ANLN: variants seen among roughly 807,000 people sequenced by gnomAD.
The protein encoded by ANLN is anillin, actin binding protein.
ANLN carries 59 observed loss-of-function variants against 135.1 expected under a neutral mutation model. The ratio of observed to expected loss-of-function variants is 0.44; its 90% CI spans 0.35 to 0.54. ANLN has a LOEUF of 0.54. Ranked by LOEUF, ANLN falls within the 20% of genes least tolerant of loss-of-function variation. The probability of loss-of-function intolerance (pLI) is 0.00; values close to 1 mark genes in which losing one functional copy is unlikely to be tolerated. For missense variants in ANLN, 1,182 were observed against 1,340.0 expected, an observed-to-expected ratio of 0.88 and a Z score of 1.84; for synonymous variants, 406 against 456.4, an observed-to-expected ratio of 0.89 and a Z score of 1.41.
At chr7:36,393,426 G>C (rs1317346570) in intron 1 of ANLN, among the ~76,000 whole-genome samples, 1 of 152,194 alleles carries the variant, frequency 6.6e-6, no homozygotes, top group Non-Finnish European at 1.5e-5. Context: ...GGCACTTCAA[G>C]AGAGGAGAAG....
chr7:36,396,730 C>T (rs1187243611), intron 2 of ANLN, among the ~76,000 whole-genome samples: 1 of 152,200 alleles, frequency 6.6e-6, no homozygotes, highest in Non-Finnish European at 1.5e-5. Context: ...TTTATACTTA[C>T]AGTAGTGTGT....
chr7:36,407,039 T>A (rs1424527217), intron 4 of ANLN, among the ~76,000 whole-genome samples: 1 of 152,234 alleles, frequency 6.6e-6, no homozygotes, highest in African/African-American at 2.4e-5. Flanking sequence ...TTGAAACTTT[T>A]ACTTTGTGCA....
At chr7:36,430,309 G>C (rs1341673127) in intron 20 of ANLN, among the ~76,000 whole-genome samples, 1 of 152,170 alleles carries the variant, frequency 6.6e-6, no homozygotes, top group Non-Finnish European at 1.5e-5. Context: ...TTCCAGAGTG[G>C]AATTTCTGTT....
rs545205950 is a variant in ANLN, at chr7:36,452,391, A to C, written c.3252-86A>C. 7 of 1,542,596 alleles carry C rather than the reference A, an allele frequency of 4.5e-6. No homozygotes were observed. The African/African-American group carries it at 8.2e-5, about 18-fold the overall frequency. ...AGGTAATTCATTTACTGGTTTATTT[A>C]GTCATTTTTTTCCCTAGCAAGAGTA... is the stretch of plus-strand genomic sequence containing the variant. On this transcript the variant is annotated intron_variant, in intron 23 of 23. Transcript: ENST00000265748.
chr7:36,416,589 T>G (rs962850964), intron 8 of ANLN, among the ~76,000 whole-genome samples: 8 of 152,182 alleles, frequency 5.3e-5, no homozygotes, highest in African/African-American at 1.9e-4. Flanking sequence ...ATTCCTAGTT[T>G]TTGAGTAATT....
intron 3 of ANLN, among the ~76,000 whole-genome samples, chr7:36,401,403 A>G (rs1464202045): frequency 1.3e-5 from 2 of 152,138 alleles, no homozygotes; most frequent in African/African-American, 2.4e-5. Flanking sequence ...CAGTGGCGCA[A>G]TCTCGGCTCA....
At chr7:36,406,748 C>A (rs986461713) in intron 4 of ANLN, among the ~76,000 whole-genome samples, 182 bp downstream of exon 4, 2 of 152,034 alleles carry the variant, frequency 1.3e-5, no homozygotes, top group African/African-American at 4.8e-5. Context: ...AAGTTGGGTA[C>A]CCATCCCAAG....
chr7:36,447,124 A>C (rs1458490455), intron 22 of ANLN, among the ~76,000 whole-genome samples: 3 of 152,252 alleles, frequency 2.0e-5, no homozygotes, highest in Non-Finnish European at 4.4e-5. Flanking sequence ...TTAAGCACTT[A>C]CCATTTACTG....
At chr7:36,392,050 C>G (rs957140078) in intron 1 of ANLN, among the ~76,000 whole-genome samples, 1 of 152,048 alleles carries the variant, frequency 6.6e-6, no homozygotes, top group African/African-American at 2.4e-5. Context: ...AGGTGATAGT[C>G]ATCCCAGTAC....
At chr7:36,410,175 T>C (rs912845892) in intron 5 of ANLN, among the ~76,000 whole-genome samples, 2 of 152,212 alleles carry the variant, frequency 1.3e-5, no homozygotes, top group African/African-American at 2.4e-5. Context: ...TGAAGGTAGA[T>C]TTATTAATAT....
Position 36,422,718 on chromosome 7 carries a change from T to A in ANLN, c.2385T>A (p.Ser795Arg), listed in dbSNP as rs148319769. 306 of 1,613,166 alleles carry A rather than the reference T, an allele frequency of 1.9e-4. No individual in the cohort carries two copies. The highest frequency in any genetic ancestry group is 2.5e-4 in the Non-Finnish European group (290 of 1,179,748). The change falls in exon 14 of 24, where the codon AGT (serine) becomes AGA (arginine). Residue 795 changes from serine (S) to arginine (R), a missense_variant. Transcript: ENST00000265748. ...GGAAGAATAAGGCTAGTCCCCAAAG[T>A]GAATTTATGCCATCCAAAGGATCAG... is the stretch of plus-strand genomic sequence containing the variant. ...PQRKNKASPQSEFMPSKGSVT... is the reference protein window; with the variant it reads ...PQRKNKASPQREFMPSKGSVT...
rs533413145 is a variant in ANLN, at chr7:36,399,066, G to A, written c.173-13G>A. Reference sequence around the variant, plus strand: ...ACAAATTTGAATGTCTTTTTTCATCGTTTTTAATGTAGAGAAATCTTGTAC... The same window carrying A: ...ACAAATTTGAATGTCTTTTTTCATCATTTTTAATGTAGAGAAATCTTGTAC... On this transcript the variant is annotated splice_polypyrimidine_tract_variant and intron_variant, in intron 2 of 23. Transcript: ENST00000265748. 8.3e-5 allele frequency: 131 copies of A among 1,571,304 alleles called. 1 individual carries two copies. In the South Asian group the frequency reaches 1.3e-3, roughly 15 times the overall value.
At chr7:36,407,137 G>A (rs1008498428) in intron 4 of ANLN, among the ~76,000 whole-genome samples, 1 of 145,280 alleles carries the variant, frequency 6.9e-6, no homozygotes, top group Non-Finnish European at 1.5e-5. Context: ...TTAGTGTAGA[G>A]CTAGGCTTTA....
At position 36,423,016 on chromosome 7, in the gene ANLN, A is replaced by G. The variant is rs112218475; in HGVS notation, c.2476+207A>G. Reference sequence around the variant, plus strand: ...CTACACAATAATGGACATTGCTCTTACTGAAAGTTTGAATATAAAGTTTTA... The same window carrying G: ...CTACACAATAATGGACATTGCTCTTGCTGAAAGTTTGAATATAAAGTTTTA... On this transcript the variant is annotated intron_variant, in intron 14 of 23. Coordinates refer to ENST00000265748, the MANE Select transcript of ANLN (RefSeq NM_018685.5). 2.2e-3 allele frequency among the ~76,000 whole-genome samples: 328 copies of G among 152,314 alleles called. 3 individuals carry two copies. The highest frequency in any genetic ancestry group is 7.4e-3 in the African/African-American group (307 of 41,572).
At chr7:36,410,996 T>G in intron 6 of ANLN, 63 bp from the exon 7 acceptor site, 1 of 1,427,806 alleles carries the variant, frequency 7.0e-7, no homozygotes, top group Non-Finnish European at 9.5e-7. Flanking sequence ...AAAATTTTAG[T>G]AGTGTTTGGA....
intron 19 of ANLN, 72 bp from the exon 20 acceptor site, chr7:36,426,843 TG>T: frequency 2.5e-6 from 2 of 790,310 alleles, no homozygotes; most frequent in Non-Finnish European, 1.9e-6. Context: ...TCTACTGGGA[TG>T]GGGTGAGGAA....
chr7:36,422,832 T>TC (rs1787935079), intron 14 of ANLN, 23 bp downstream of exon 14: 2 of 1,573,104 alleles, frequency 1.3e-6, no homozygotes, highest in Admixed American at 3.9e-5. Flanking sequence ...TTTTTCTAGA[T>TC]TGTGTGTTAA....
intron 7 of ANLN, among the ~76,000 whole-genome samples, chr7:36,413,662 G>C (rs923980650): frequency 2.0e-5 from 3 of 152,182 alleles, no homozygotes; most frequent in Non-Finnish European, 4.4e-5. Flanking sequence ...AGCAGCCAAA[G>C]AGCTAGGAGG....
chr7:36,396,895 G>A (rs1001051666), intron 2 of ANLN, among the ~76,000 whole-genome samples: 1 of 152,046 alleles, frequency 6.6e-6, no homozygotes, highest in African/African-American at 2.4e-5. Flanking sequence ...TAAAGTTTAG[G>A]TTGTTAATCT....
Sources: allele counts gnomAD v4.1 joint callset (sites outside exome capture counted in the v4.1 genomes callset), GRCh38; gene constraint gnomAD v4.1.1; transcripts MANE v1.5; gene names NCBI Gene and HGNC (gene_info 2026-07-23, HGNC 2026-07-21).